Variants in PHLPP1 observed in about 807,000 individuals in gnomAD.
PHLPP1 encodes PH domain leucine-rich repeat-containing protein phosphatase 1.
A neutral mutation model predicts 117.2 loss-of-function variants in PHLPP1; 42 were observed. The ratio of observed to expected loss-of-function variants is 0.36; its 90% CI spans 0.28 to 0.46. The LOEUF (loss-of-function observed/expected upper bound fraction) is 0.46. Ranked by LOEUF, PHLPP1 falls within the 20% of genes least tolerant of loss-of-function variation. The probability of loss-of-function intolerance (pLI) is 1.00; values close to 1 mark genes in which losing one functional copy is unlikely to be tolerated. For synonymous variants in PHLPP1, 1,042 were observed against 970.7 expected (o/e 1.07, Z -1.37); for missense variants, 2,084 against 2,241.9 (o/e 0.93, Z 1.42).
At chr18:62,971,933 G>A (rs370557954) in intron 14 of PHLPP1, among the ~76,000 whole-genome samples, 1 of 152,074 alleles carries the variant, frequency 6.6e-6, no homozygotes, top group Admixed American at 6.6e-5. Context: ...CTACTCAGGA[G>A]GCTGAGGTGG....
At chr18:62,775,677 A>G (rs990159340) in intron 1 of PHLPP1, among the ~76,000 whole-genome samples, 3 of 152,276 alleles carry the variant, frequency 2.0e-5, no homozygotes, top group Non-Finnish European at 2.9e-5. Flanking sequence ...CTAGTTGTCC[A>G]CTTTTAGCTA....
intron 1 of PHLPP1, among the ~76,000 whole-genome samples, chr18:62,809,157 A>G (rs553325021): frequency 1.5e-4 from 23 of 152,348 alleles, no homozygotes; most frequent in Admixed American, 3.9e-4. Flanking sequence ...ATTTTTAAAC[A>G]AAACTGTCGT....
At chr18:62,789,611 A>G (rs1465674527) in intron 1 of PHLPP1, among the ~76,000 whole-genome samples, 4 of 152,110 alleles carry the variant, frequency 2.6e-5, no homozygotes, top group Non-Finnish European at 5.9e-5. Context: ...CTCACACAGC[A>G]CAAACCTTCT....
At chr18:62,921,522 T>G (rs945240748) in intron 10 of PHLPP1, among the ~76,000 whole-genome samples, 1 of 152,228 alleles carries the variant, frequency 6.6e-6, no homozygotes, top group East Asian at 1.9e-4. Flanking sequence ...TCTTGTTCAC[T>G]TGTCTCTCTC....
intron 2 of PHLPP1, among the ~76,000 whole-genome samples, chr18:62,832,516 A>G (rs969939474): frequency 3.9e-5 from 6 of 152,218 alleles, no homozygotes; most frequent in African/African-American, 1.4e-4. Context: ...TCAGTACTAG[A>G]GTCTTGTCCT....
chr18:62,849,827 A>ATTT (rs1369652569), intron 3 of PHLPP1, among the ~76,000 whole-genome samples: 10 of 93,792 alleles, frequency 1.1e-4, no homozygotes, highest in African/African-American at 2.9e-4. Flanking sequence ...AAAAAAAAAA[A>ATTT]AAAAAATATA....
At chr18:62,945,039 A>G (rs970694765) in intron 11 of PHLPP1, 70 bp from the exon 12 acceptor site, 5 of 1,183,090 alleles carry the variant, frequency 4.2e-6, no homozygotes, top group Non-Finnish European at 5.7e-6. Flanking sequence ...AGTCATAGCA[A>G]TTTAATTCAT....
intron 1 of PHLPP1, among the ~76,000 whole-genome samples, chr18:62,821,056 A>C (rs920186543): frequency 6.6e-6 from 1 of 152,208 alleles, no homozygotes; most frequent in Non-Finnish European, 1.5e-5. Flanking sequence ...AGTACTATGA[A>C]CGGATGAAAA....
chr18:62,719,031 A>G (rs544817265), intron 1 of PHLPP1, among the ~76,000 whole-genome samples: 3 of 152,346 alleles, frequency 2.0e-5, no homozygotes, highest in African/African-American at 4.8e-5. Context: ...GTTAAATCTT[A>G]AAATGTTTGG....
chr18:62,979,080 G>C lies in PHLPP1; in HGVS notation c.4803G>C (p.Glu1601Asp). The C allele has an allele frequency of 6.2e-7, 1 of 1,613,902 alleles. No individual in the cohort carries two copies. The highest frequency in any genetic ancestry group is 1.3e-5 in the African/African-American group (1 of 75,048). ...SDEGIVISAN[E>D]DEPGLPRKAD... ...AGGGCATTGTCATCAGCGCCAACGA[G>C]GATGAGCCAGGTCTGCCCAGGAAGG... is the stretch of plus-strand genomic sequence containing the variant. The change falls in exon 17 of 17, where the codon GAG becomes GAC. Residue 1601 changes from glutamate to aspartate, a missense_variant. By Grantham distance (45) the Glu-to-Asp change is conservative. This residue lies in a region of PHLPP1 where 1,365 missense variants were observed against 1,605.9 expected (regional missense o/e 0.85). Coordinates refer to ENST00000262719, the MANE Select transcript of PHLPP1 (RefSeq NM_194449.4).
chr18:62,851,736 G>A (rs950134682), intron 3 of PHLPP1, among the ~76,000 whole-genome samples: 1 of 152,172 alleles, frequency 6.6e-6, no homozygotes, highest in Non-Finnish European at 1.5e-5. Context: ...TAGGATTACA[G>A]GCGTGAGCCA....
In PHLPP1 at chr18:62,716,985, G is replaced by C; in HGVS notation, c.1302G>C (p.Ser434=). The C allele has an allele frequency of 1.9e-6, 3 of 1,541,948 alleles. No individual in the cohort carries two copies. Among genetic ancestry groups the C allele is most frequent in the Non-Finnish European group, 2.6e-6 (3 of 1,146,040 alleles). Residue 434 remains serine, a synonymous_variant, in exon 1 of 17, where the codon TCG becomes TCC. Transcript: ENST00000262719. The surrounding 1 kb of genome is among the most constrained non-coding windows in gnomAD (Gnocchi z 5.7). The part of the protein sequence containing the change: ...DSPGGAVREG[S]CEEKAAAAVA... Reference sequence around the variant, plus strand: ...CGGGCGGGGCCGTCCGCGAGGGGTCGTGCGAGGAGAAGGCAGCGGCAGCCG... The same window carrying C: ...CGGGCGGGGCCGTCCGCGAGGGGTCCTGCGAGGAGAAGGCAGCGGCAGCCG...
chr18:62,826,571 T>TA (rs1247275544), intron 1 of PHLPP1, among the ~76,000 whole-genome samples: 3 of 152,238 alleles, frequency 2.0e-5, no homozygotes, highest in South Asian at 4.1e-4. Flanking sequence ...ATTTTCTTGA[T>TA]ACCTCTAGCA....
intron 1 of PHLPP1, among the ~76,000 whole-genome samples, chr18:62,771,349 T>A (rs1180232065): frequency 6.6e-6 from 1 of 152,208 alleles, no homozygotes; most frequent in East Asian, 1.9e-4. Flanking sequence ...TTCTTATACT[T>A]ATTCACACAT....
intron 8 of PHLPP1, among the ~76,000 whole-genome samples, chr18:62,912,835 G>A (rs1321981936): frequency 6.6e-6 from 1 of 152,110 alleles, no homozygotes; most frequent in Non-Finnish European, 1.5e-5. Flanking sequence ...TGGCCAGGCT[G>A]GTCTGGAACT....
chr18:62,963,420 G>A lies in PHLPP1; in HGVS notation c.3508G>A (p.Ala1170Thr). Residue 1170 changes from alanine to threonine, a missense_variant, in exon 14 of 17, where the codon GCC becomes ACC. By Grantham distance (58) the Ala-to-Thr change is moderately conservative. Coordinates refer to ENST00000262719, the MANE Select transcript of PHLPP1 (RefSeq NM_194449.4). The part of the protein sequence containing the change: ...DQPSTGDASG[A>T]PAVWSHGYTE... ...GCCTTCTACAGGAGACGCTTCCGGA[G>A]CCCCAGCTGTATGGAGTCATGGTTA... is the stretch of plus-strand genomic sequence containing the variant. The A allele has an allele frequency of 1.2e-6, 2 of 1,613,520 alleles. No homozygotes were observed. The highest frequency in any genetic ancestry group is 1.7e-6 in the Non-Finnish European group (2 of 1,179,692).
intron 1 of PHLPP1, among the ~76,000 whole-genome samples, chr18:62,792,216 C>G (rs866482076): frequency 2.0e-5 from 3 of 152,202 alleles, no homozygotes; most frequent in African/African-American, 7.2e-5. Context: ...GGAGAGTGTC[C>G]CATCTTTCAA....
At chr18:62,728,544 C>T (rs1420797996) in intron 1 of PHLPP1, among the ~76,000 whole-genome samples, 4 of 150,552 alleles carry the variant, frequency 2.7e-5, no homozygotes, top group Admixed American at 6.6e-5. Flanking sequence ...CACTCTGCCA[C>T]CCAGGCAGGA....
chr18:62,890,414 C>G (rs925266605), intron 4 of PHLPP1, among the ~76,000 whole-genome samples: 1 of 151,922 alleles, frequency 6.6e-6, no homozygotes, highest in East Asian at 1.9e-4. Context: ...TACAGGCACC[C>G]GCCACCACGC....
Sources: gnomAD v4.1 joint callset for allele counts (sites outside exome capture counted in the v4.1 genomes callset) on GRCh38, gnomAD v4.1.1 for gene constraint, gnomAD v4.1.1 regional missense constraint, Gnocchi (gnomAD v3.1) non-coding constraint, MANE v1.5 for transcripts, NCBI Gene and HGNC (gene_info 2026-07-23, HGNC 2026-07-21) for gene names.